The following GLB1 variants were observed in gnomAD, a reference collection of about 807,000 sequenced individuals.
The protein encoded by GLB1 is beta-galactosidase.
Under a neutral mutation model 74.0 loss-of-function variants are expected in GLB1, and 56 were observed. That is an observed-to-expected ratio of 0.76 (90% CI 0.61 to 0.94). The LOEUF (loss-of-function observed/expected upper bound fraction) is 0.94. GLB1 is among the 40% of genes least tolerant of loss of function. The pLI, the probability that GLB1 is intolerant of heterozygous loss-of-function variation, is 0.00. For synonymous variants in GLB1, 323 were observed against 323.6 expected (o/e 1.00, Z 0.02); for missense variants, 787 against 845.5 (o/e 0.93, Z 0.86).
chr3:33,074,356 G>A (rs1032038015), intron 1 of GLB1, among the ~76,000 whole-genome samples: 1 of 98,732 alleles, frequency 1.0e-5, no homozygotes, highest in Non-Finnish European at 2.2e-5. Flanking sequence ...AAGGAAGGAA[G>A]GAAGGAAGGA....
chr3:33,079,180 G>C (rs1280585676), intron 1 of GLB1, among the ~76,000 whole-genome samples: 1 of 152,200 alleles, frequency 6.6e-6, no homozygotes, highest in Non-Finnish European at 1.5e-5. Flanking sequence ...CTCTGGGAGA[G>C]TAGAGGTAGG....
intron 10 of GLB1, among the ~76,000 whole-genome samples, chr3:33,038,176 T>C (rs779891923): frequency 8.5e-5 from 13 of 152,196 alleles, no homozygotes; most frequent in Admixed American, 5.9e-4. Flanking sequence ...AATTCAAATT[T>C]ATCTCTTCTG....
chr3:33,064,129 T>C (rs1309188914), intron 5 of GLB1, among the ~76,000 whole-genome samples: 1 of 152,174 alleles, frequency 6.6e-6, no homozygotes, highest in Non-Finnish European at 1.5e-5. Context: ...ATAACTTTAC[T>C]CTTTTCCATA....
intron 15 of GLB1, among the ~76,000 whole-genome samples, chr3:33,002,850 G>T (rs929657341): frequency 1.9e-4 from 29 of 152,090 alleles, no homozygotes; most frequent in Admixed American, 5.2e-4. Flanking sequence ...CTTAAAATGG[G>T]AAAGACAAAG....
At chr3:32,990,354 G>T in the GLB1 span, among the ~76,000 whole-genome samples, 8 of 152,132 alleles carry the variant, frequency 5.3e-5, no homozygotes, top group Non-Finnish European at 1.2e-4. Flanking sequence ...TGATCTCATC[G>T]CTGTCATTGT....
At chr3:33,078,713 GTGATA>G (rs1461418838) in intron 1 of GLB1, among the ~76,000 whole-genome samples, 2 of 152,224 alleles carry the variant, frequency 1.3e-5, no homozygotes, top group African/African-American at 4.8e-5. Flanking sequence ...ATCATTATAT[GTGATA>G]TGATATGTGT....
chr3:33,028,666 A>AT (rs869252582), intron 10 of GLB1, among the ~76,000 whole-genome samples: 7,299 of 146,220 alleles, frequency 0.05, 247 homozygotes, highest in African/African-American at 0.094. Flanking sequence ...TTACCCAAAA[A>AT]TTTTTTTTTT....
chr3:33,083,454 A>T (rs1700396302), intron 1 of GLB1, among the ~76,000 whole-genome samples: 1 of 151,782 alleles, frequency 6.6e-6, no homozygotes, highest in South Asian at 2.1e-4. Context: ...AAAAGGAGAC[A>T]GAGAGAGAGA....
At chr3:33,053,624 G>C (rs2125525759) in intron 6 of GLB1, 75 bp from the exon 7 acceptor site, 1 of 1,596,524 alleles carries the variant, frequency 6.3e-7, no homozygotes, top group South Asian at 1.1e-5. Flanking sequence ...GCCCTTCATG[G>C]GACTCGGGCC....
intron 10 of GLB1, chr3:33,033,983 A>G (rs1698166258): frequency 3.6e-6 from 2 of 555,360 alleles, no homozygotes; most frequent in Non-Finnish European, 7.2e-6. Flanking sequence ...CAAAATCTTC[A>G]AAGTGCACAA....
the GLB1 span, among the ~76,000 whole-genome samples, chr3:32,980,040 ACCT>A: frequency 6.6e-6 from 1 of 152,030 alleles, no homozygotes; most frequent in South Asian, 2.1e-4. Context: ...CATATCCATC[ACCT>A]CAACATTTAT....
intron 15 of GLB1, among the ~76,000 whole-genome samples, chr3:33,001,176 TCTC>T (rs1696549994): frequency 6.6e-6 from 1 of 151,492 alleles, no homozygotes; most frequent in South Asian, 2.1e-4. Flanking sequence ...CCTCTCCTCT[TCTC>T]CTTCTCCTTC....
chr3:33,013,059 C>T (rs1697093998), intron 15 of GLB1, among the ~76,000 whole-genome samples: 2 of 152,196 alleles, frequency 1.3e-5, no homozygotes, highest in African/African-American at 4.8e-5. Flanking sequence ...AAAACTTTAA[C>T]GTGGCCTATA....
intron 15 of GLB1, among the ~76,000 whole-genome samples, chr3:33,001,152 C>CTCTCT (rs1282364070): frequency 2.0e-5 from 3 of 148,454 alleles, no homozygotes; most frequent in Non-Finnish European, 4.5e-5. Flanking sequence ...TTCTTCCTTT[C>CTCTCT]TCTCTTCTCT....
At chr3:33,083,090 G>A (rs1700379145) in intron 1 of GLB1, among the ~76,000 whole-genome samples, 1 of 152,086 alleles carries the variant, frequency 6.6e-6, no homozygotes, top group South Asian at 2.1e-4. Context: ...ACTACTGACA[G>A]AAGGCGATCA....
chr3:33,035,701 C>G (rs1698246032), intron 10 of GLB1, among the ~76,000 whole-genome samples: 2 of 152,094 alleles, frequency 1.3e-5, no homozygotes, highest in Admixed American at 1.3e-4. Context: ...GCATTTTCAC[C>G]CTCAGAACCA....
Position 33,051,913 on chromosome 3 carries a change from T to C in GLB1, c.884A>G (p.Asp295Gly), listed in dbSNP as rs76016860. Residue 295 changes from aspartate (D) to glycine (G), a missense_variant, in exon 8 of 16, where the codon GAT becomes GGT. Asp to Gly is a moderately conservative substitution (Grantham distance 94). Coordinates refer to ENST00000307363, the MANE Select transcript of GLB1 (RefSeq NM_000404.4). ...KTEAVASSLYDILARGASVNL... is the reference protein window; with the variant it reads ...KTEAVASSLYGILARGASVNL... ...CACACTCGCCCCACGGGCAAGTATATCATAGAGGGAGGAAGCCACTGCTTC... is the reference window on the plus strand; with the variant it reads ...CACACTCGCCCCACGGGCAAGTATACCATAGAGGGAGGAAGCCACTGCTTC... 3.6e-5 allele frequency: 58 copies of C among 1,614,218 alleles called. No individual in the cohort carries two copies. Among genetic ancestry groups the C allele is most frequent in the East Asian group, 3.3e-4 (15 of 44,890 alleles).
At chr3:32,983,553 G>A in the GLB1 span, among the ~76,000 whole-genome samples, 1 of 152,180 alleles carries the variant, frequency 6.6e-6, no homozygotes, top group Non-Finnish European at 1.5e-5. Flanking sequence ...TTTAAAATAT[G>A]TCTCATAATT....
chr3:33,058,381 T>C, intron 5 of GLB1, 112 bp from the exon 6 acceptor site: 2 of 1,492,814 alleles, frequency 1.3e-6, no homozygotes, highest in South Asian at 1.2e-5. Flanking sequence ...CAAGGCTTAA[T>C]GACTGCTGGA....
Sources: gnomAD v4.1 joint callset for allele counts (sites outside exome capture counted in the v4.1 genomes callset) on GRCh38, gnomAD v4.1.1 for gene constraint, MANE v1.5 for transcripts, NCBI Gene and HGNC (gene_info 2026-07-23, HGNC 2026-07-21) for gene names.